MGMT: variants seen among roughly 807,000 people sequenced by gnomAD.
The protein encoded by MGMT is methylated-DNA--protein-cysteine methyltransferase.
Under a neutral mutation model 15.9 loss-of-function variants are expected in MGMT, and 14 were observed. The ratio of observed to expected loss-of-function variants is 0.88; its 90% CI spans 0.58 to 1.37. MGMT has a LOEUF of 1.37. Ranked by LOEUF, MGMT falls within the 40% of genes most tolerant of loss-of-function variation. The pLI is 0.00. For missense variants in MGMT, 282 were observed against 268.1 expected, an observed-to-expected ratio of 1.05 and a Z score of -0.36; for synonymous variants, 130 against 118.2, an observed-to-expected ratio of 1.10 and a Z score of -0.65.
chr10:129,584,118 G>A (rs561536332), intron 2 of MGMT, among the ~76,000 whole-genome samples: 1 of 152,306 alleles, frequency 6.6e-6, no homozygotes, highest in East Asian at 1.9e-4. Flanking sequence ...GTAGACAGAG[G>A]GTGAGGCCTG....
chr10:129,595,592 C>T (rs1045622624), intron 2 of MGMT, among the ~76,000 whole-genome samples: 31 of 152,074 alleles, frequency 2.0e-4, no homozygotes, highest in Admixed American at 3.9e-4. Context: ...TGACTGGATG[C>T]GTTTATGTGG....
chr10:129,502,825 T>C (rs1564836205), intron 1 of MGMT, among the ~76,000 whole-genome samples: 1 of 152,078 alleles, frequency 6.6e-6, no homozygotes, highest in Admixed American at 6.6e-5. Flanking sequence ...AAATGAGGAA[T>C]AGAAAACAAG....
chr10:129,609,987 G>A (rs957723817), intron 2 of MGMT, among the ~76,000 whole-genome samples: 9 of 152,180 alleles, frequency 5.9e-5, no homozygotes, highest in African/African-American at 2.2e-4. Flanking sequence ...CTGTTGAAAA[G>A]CAAAGGAGAT....
intron 2 of MGMT, among the ~76,000 whole-genome samples, chr10:129,661,104 A>G (rs192230099): frequency 5.8e-4 from 88 of 152,184 alleles, no homozygotes; most frequent in Non-Finnish European, 7.4e-5. Context: ...TGTGAGTAGG[A>G]CTTTAACTTC....
chr10:129,600,976 A>G lies in MGMT; in HGVS notation c.125+64599A>G, dbSNP rs183290203. On this transcript the variant is annotated intron_variant, in intron 2 of 4. Coordinates refer to ENST00000651593, the MANE Select transcript of MGMT (RefSeq NM_002412.5). Reference sequence around the variant, plus strand: ...ATGACAAATTAATATTAATATCAATATCAGAGTTGAGTATGTAGCCTTTGG... The same window carrying G: ...ATGACAAATTAATATTAATATCAATGTCAGAGTTGAGTATGTAGCCTTTGG... Among the ~76,000 whole-genome samples the G allele has an allele frequency of 2.2e-3, 342 of 152,252 alleles. 1 individual carries two copies. The highest frequency in any genetic ancestry group is 7.6e-3 in the African/African-American group (316 of 41,554).
chr10:129,544,720 T>TCTCGGTCCC (rs1846081194), intron 2 of MGMT, among the ~76,000 whole-genome samples: 1 of 152,250 alleles, frequency 6.6e-6, no homozygotes, highest in Non-Finnish European at 1.5e-5. Context: ...ATTGCCTGCC[T>TCTCGGTCCC]CTCGGTCCCC....
intron 1 of MGMT, among the ~76,000 whole-genome samples, chr10:129,497,749 A>G (rs1845536970): frequency 6.6e-6 from 1 of 152,160 alleles, no homozygotes; most frequent in African/African-American, 2.4e-5. Context: ...GGCAATGACT[A>G]GGTCAGGCTG....
chr10:129,478,865 AT>A (rs1425650202), intron 1 of MGMT, among the ~76,000 whole-genome samples: 2 of 152,082 alleles, frequency 1.3e-5, no homozygotes, highest in Non-Finnish European at 2.9e-5. Flanking sequence ...GTTATCTTTT[AT>A]TTATTTATTT....
At chr10:129,721,276 T>C (rs146115011) in intron 3 of MGMT, among the ~76,000 whole-genome samples, 175 of 152,384 alleles carry the variant, frequency 1.1e-3, no homozygotes, top group African/African-American at 3.7e-3. Context: ...TTGTGTGCCC[T>C]AGTGCTCCAG....
At chr10:129,686,312 G>A (rs1476499850) in intron 2 of MGMT, among the ~76,000 whole-genome samples, 1 of 152,076 alleles carries the variant, frequency 6.6e-6, no homozygotes, top group Non-Finnish European at 1.5e-5. Flanking sequence ...CATTAAGATG[G>A]GCAAGTAAGA....
rs1197961319 is a variant in MGMT, at chr10:129,556,322, C to T, written c.125+19945C>T. ...AAAGGTGATTAGGGTAACTCAGGGT[C>T]ATTAGAGGAGCCCCTCACCCAGTGT... On this transcript the variant is annotated intron_variant, in intron 2 of 4. Transcript: ENST00000651593. This position sits in a 1 kb window ranked among gnomAD's most constrained non-coding sequence, Gnocchi z 4.3. 6.6e-6 allele frequency among the ~76,000 whole-genome samples: 1 copy of T among 152,138 alleles called. No homozygotes were observed. Among genetic ancestry groups the T allele is most frequent in the African/African-American group, 2.4e-5 (1 of 41,416 alleles).
At chr10:129,482,358 G>A (rs1308600054) in intron 1 of MGMT, among the ~76,000 whole-genome samples, 2 of 152,148 alleles carry the variant, frequency 1.3e-5, no homozygotes, top group African/African-American at 4.8e-5. Flanking sequence ...TACCTTGGTG[G>A]ATGTTTGAAA....
At chr10:129,529,084 CA>C (rs1845901914) in intron 1 of MGMT, among the ~76,000 whole-genome samples, 1 of 151,830 alleles carries the variant, frequency 6.6e-6, no homozygotes, top group Non-Finnish European at 1.5e-5. Context: ...AGTGAGATGA[CA>C]GTGGCCACTG....
At chr10:129,479,476 A>C (rs562742167) in intron 1 of MGMT, among the ~76,000 whole-genome samples, 38 of 152,292 alleles carry the variant, frequency 2.5e-4, no homozygotes, top group African/African-American at 8.2e-4. Flanking sequence ...TTGCTGTGCC[A>C]AAGTATTCTG....
At chr10:129,627,427 G>A (rs148899877) in intron 2 of MGMT, among the ~76,000 whole-genome samples, 12 of 81,882 alleles carry the variant, frequency 1.5e-4, no homozygotes, top group African/African-American at 4.3e-4. Context: ...AAAAAAGAAA[G>A]AAAGAAAAAA....
At chr10:129,762,095 T>C (rs1335712497) in intron 4 of MGMT, among the ~76,000 whole-genome samples, 1 of 152,226 alleles carries the variant, frequency 6.6e-6, no homozygotes, top group Non-Finnish European at 1.5e-5. Context: ...CCATTGCTGC[T>C]GTCAGTGTCC....
At chr10:129,576,487 C>T (rs1084700) in intron 2 of MGMT, among the ~76,000 whole-genome samples, 15 of 152,014 alleles carry the variant, frequency 9.9e-5, no homozygotes, top group South Asian at 2.1e-4. Context: ...ATTCAACAAC[C>T]CTTCATGCTA....
At chr10:129,510,519 T>TTATGGCTGACAGA (rs1367669107) in intron 1 of MGMT, among the ~76,000 whole-genome samples, 1 of 152,190 alleles carries the variant, frequency 6.6e-6, no homozygotes, top group Non-Finnish European at 1.5e-5. Context: ...CTATTGGAAA[T>TTATGGCTGACAGA]TATGGCTGAC....
intron 2 of MGMT, among the ~76,000 whole-genome samples, chr10:129,698,092 G>T (rs4750763): frequency 0.56 from 85,818 of 151,998 alleles, 25,502 homozygotes; most frequent in South Asian, 0.68. Flanking sequence ...TCCAGAGCCT[G>T]CAGGGGTACC....
Sources: gnomAD v4.1 joint callset for allele counts (sites outside exome capture counted in the v4.1 genomes callset) on GRCh38, gnomAD v4.1.1 for gene constraint, Gnocchi (gnomAD v3.1) non-coding constraint, MANE v1.5 for transcripts, NCBI Gene and HGNC (gene_info 2026-07-23, HGNC 2026-07-21) for gene names.